Variants in TECRL observed in about 807,000 individuals in gnomAD.
The protein encoded by TECRL is trans-2,3-enoyl-CoA reductase-like.
In TECRL, 63 loss-of-function variants were observed where a neutral mutation model predicts 52.8. The observed-to-expected ratio is 1.19, with a 90% CI of 0.97 to 1.47. The LOEUF (loss-of-function observed/expected upper bound fraction) is 1.47. Ranked by LOEUF, TECRL falls within the 40% of genes most tolerant of loss-of-function variation. The pLI is 0.00. For synonymous variants in TECRL, 164 were observed against 141.9 expected (o/e 1.16, Z -1.10); for missense variants, 482 against 429.6 (o/e 1.12, Z -1.08).
At chr4:64,377,531 T>C (rs945497041) in intron 1 of TECRL, among the ~76,000 whole-genome samples, 2 of 152,058 alleles carry the variant, frequency 1.3e-5, no homozygotes, top group Admixed American at 6.6e-5. Context: ...AGATGGGAGT[T>C]ATCTGAAACC....
intron 8 of TECRL, among the ~76,000 whole-genome samples, chr4:64,292,797 A>C (rs1723463928): frequency 6.6e-6 from 1 of 151,980 alleles, no homozygotes; most frequent in Non-Finnish European, 1.5e-5. Flanking sequence ...ATGTGATTAT[A>C]TTTAACACTA....
At chr4:64,382,191 GTATATATATATATATATATATATA>G (rs200934355) in intron 1 of TECRL, among the ~76,000 whole-genome samples, 3 of 13,378 alleles carry the variant, frequency 2.2e-4, no homozygotes, top group African/African-American at 3.6e-4. Flanking sequence ...GGAAATTTCT[GTATATATATATATATATATATATA>G]TATATATATA....
In TECRL at chr4:64,279,696, T is replaced by C. The variant is rs1408726286; in HGVS notation, c.*376A>G. The C allele has an allele frequency of 1.5e-5, 10 of 689,014 alleles. No homozygotes were observed. Among genetic ancestry groups the C allele is most frequent in the Non-Finnish European group, 1.6e-5 (9 of 559,318 alleles). The allele number at this position is 689,014 out of a possible 1,614,324, so 42.7% of individuals were successfully genotyped here. On this transcript the variant is annotated 3_prime_UTR_variant, in exon 12 of 12. Transcript: ENST00000381210. The stretch of plus-strand genomic sequence containing the variant: ...ATTTTAAAAATATACTTATTGACCA[T>C]GTATATGTCTTCCTTTGGGAAATGT...
intron 2 of TECRL, among the ~76,000 whole-genome samples, chr4:64,355,702 T>A (rs573587326): frequency 4.7e-5 from 7 of 147,528 alleles, no homozygotes; most frequent in Non-Finnish European, 8.9e-5. Flanking sequence ...CTTGGGAGGC[T>A]GAGAATGGCG....
chr4:64,363,006 A>G (rs1469018399), intron 2 of TECRL, among the ~76,000 whole-genome samples: 2 of 141,572 alleles, frequency 1.4e-5, no homozygotes, highest in Admixed American at 1.4e-4. Flanking sequence ...CAGATATATC[A>G]GGCACATAAA....
intron 2 of TECRL, among the ~76,000 whole-genome samples, chr4:64,363,119 T>C (rs563571167): frequency 3.0e-4 from 46 of 152,144 alleles, no homozygotes; most frequent in African/African-American, 1.0e-3. Context: ...TGATAAAGCA[T>C]TCAATTCAAA....
intron 9 of TECRL, among the ~76,000 whole-genome samples, chr4:64,287,388 C>G (rs1723132065): frequency 6.6e-6 from 1 of 152,032 alleles, no homozygotes; most frequent in Non-Finnish European, 1.5e-5. Flanking sequence ...AACAACTATT[C>G]TGGAAAATGT....
chr4:64,343,900 C>T (rs1719760171), intron 2 of TECRL, among the ~76,000 whole-genome samples: 1 of 151,846 alleles, frequency 6.6e-6, no homozygotes, highest in Admixed American at 6.6e-5. Context: ...ACATTTTAAC[C>T]TGCTTTCATT....
intron 1 of TECRL, among the ~76,000 whole-genome samples, chr4:64,392,707 G>A (rs1723627273): frequency 6.6e-6 from 1 of 151,968 alleles, no homozygotes; most frequent in Admixed American, 6.6e-5. Flanking sequence ...CTCCTGAAAT[G>A]TATTGCTGTA....
At chr4:64,388,693 C>A (rs372755498) in intron 1 of TECRL, among the ~76,000 whole-genome samples, 7 of 151,794 alleles carry the variant, frequency 4.6e-5, no homozygotes, top group East Asian at 1.9e-4. Context: ...TCTTTAGTTT[C>A]TTTCACATCC....
At chr4:64,304,925 T>G (rs535909859) in intron 7 of TECRL, 85 of 301,052 alleles carry the variant, frequency 2.8e-4, no homozygotes, top group African/African-American at 1.7e-3. Flanking sequence ...TTATTAGCTG[T>G]TTTTTTGGAG....
intron 4 of TECRL, among the ~76,000 whole-genome samples, chr4:64,314,991 G>C (rs1389837545): frequency 1.3e-5 from 2 of 151,880 alleles, no homozygotes; most frequent in Non-Finnish European, 2.9e-5. Context: ...CTAATAAACT[G>C]GTTTCTTTCT....
rs149005470 is a variant in TECRL at position 64,388,957 on chromosome 4, C to T, written c.235-13734G>A. Among the ~76,000 whole-genome samples, 1,460 of 151,932 alleles carry T rather than the reference C, an allele frequency of 9.6e-3. 26 individuals carry two copies. The highest frequency in any genetic ancestry group is 0.033 in the African/African-American group (1,375 of 41,526). On this transcript the variant is annotated intron_variant, in intron 1 of 11. Transcript: ENST00000381210. The stretch of plus-strand genomic sequence containing the variant: ...ATTAACCTTGTATCCTGAAACCTTG[C>T]TGCAAATCCATCATAATTCCAGGGG...
intron 2 of TECRL, among the ~76,000 whole-genome samples, chr4:64,344,646 A>G (rs1688324202): frequency 6.6e-6 from 1 of 152,230 alleles, no homozygotes; most frequent in Admixed American, 6.5e-5. Flanking sequence ...AATTTAAAAC[A>G]AAGCTCCTAT....
chr4:64,409,093 CAAAT>C (rs770789434), intron 1 of TECRL, 21 bp downstream of exon 1: 43 of 1,538,194 alleles, frequency 2.8e-5, no homozygotes, highest in Non-Finnish European at 3.3e-5. Flanking sequence ...AACAAACAAA[CAAAT>C]AAATAAATAA....
chr4:64,355,696 G>A (rs1302039814), intron 2 of TECRL, among the ~76,000 whole-genome samples: 1 of 151,050 alleles, frequency 6.6e-6, no homozygotes, highest in East Asian at 2.0e-4. Flanking sequence ...CAGCTACTTG[G>A]GAGGCTGAGA....
intron 3 of TECRL, among the ~76,000 whole-genome samples, chr4:64,325,383 A>T (rs534264593): frequency 2.2e-3 from 328 of 152,086 alleles, no homozygotes; most frequent in Non-Finnish European, 3.8e-3. Context: ...TCCAACACAA[A>T]CTCTTCCAAT....
intron 8 of TECRL, among the ~76,000 whole-genome samples, chr4:64,293,698 C>A (rs1937387135): frequency 6.6e-6 from 1 of 151,826 alleles, no homozygotes; most frequent in African/African-American, 2.4e-5. Flanking sequence ...GTTGATCATT[C>A]TCTTCCTTAA....
chr4:64,345,906 G>GCAAAAA (rs1719922501), intron 2 of TECRL, among the ~76,000 whole-genome samples: 1 of 2,744 alleles, frequency 3.6e-4, no homozygotes, highest in Non-Finnish European at 9.7e-4. Flanking sequence ...TGCCTCAACA[G>GCAAAAA]CAAAAAAAAA....
Sources: allele counts gnomAD v4.1 joint callset (sites outside exome capture counted in the v4.1 genomes callset), GRCh38; gene constraint gnomAD v4.1.1; transcripts MANE v1.5; gene names NCBI Gene and HGNC (gene_info 2026-07-23, HGNC 2026-07-21).